The following RAPGEF4 variants were observed in gnomAD, a reference collection of about 807,000 sequenced individuals.
RAPGEF4 encodes RAP guanine-nucleotide-exchange factor (GEF) 4.
In RAPGEF4, 66 loss-of-function variants were observed where a neutral mutation model predicts 147.9. That is an observed-to-expected ratio of 0.45 (90% CI 0.37 to 0.55). RAPGEF4 has a LOEUF of 0.55. Ranked by LOEUF, RAPGEF4 falls within the 20% of genes least tolerant of loss-of-function variation. RAPGEF4 has a pLI of 0.00. For synonymous variants in RAPGEF4, 419 were observed against 442.7 expected (o/e 0.95, Z 0.67); for missense variants, 1,071 against 1,257.3 (o/e 0.85, Z 2.24).
intron 6 of RAPGEF4, among the ~76,000 whole-genome samples, chr2:172,960,137 C>G (rs998874188): frequency 1.3e-5 from 2 of 152,112 alleles, no homozygotes; most frequent in African/African-American, 4.8e-5. Context: ...TTCTCTAGAG[C>G]CTAGAGCTGA....
intron 16 of RAPGEF4, among the ~76,000 whole-genome samples, chr2:173,000,038 A>G (rs3769235): frequency 0.66 from 100,372 of 152,024 alleles, 34,023 homozygotes; most frequent in East Asian, 0.9. Flanking sequence ...TCTGTTCTCA[A>G]GAATATATAA....
intron 1 of RAPGEF4, among the ~76,000 whole-genome samples, chr2:172,791,365 G>C (rs565631538): frequency 6.6e-6 from 1 of 152,158 alleles, no homozygotes; most frequent in South Asian, 2.1e-4. Flanking sequence ...TACATGCAAG[G>C]ACTTTTTGTA....
chr2:172,941,907 A>G (rs1406720484), intron 6 of RAPGEF4, among the ~76,000 whole-genome samples: 1 of 152,162 alleles, frequency 6.6e-6, no homozygotes, highest in Non-Finnish European at 1.5e-5. Context: ...TACCTGAAAC[A>G]TAGTATGCTC....
Position 172,888,343 on chromosome 2 carries a change from T to C in RAPGEF4, c.445-29459T>C, listed in dbSNP as rs976328320. On this transcript the variant is annotated intron_variant, in intron 4 of 30. Coordinates refer to ENST00000397081, the MANE Select transcript of RAPGEF4 (RefSeq NM_007023.4). ...AGACGGGGAACATGATGCCCAGCTC[T>C]CCTGTATCTCAGTCTGTTGTCCTTT... is the stretch of plus-strand genomic sequence containing the variant. Among the ~76,000 whole-genome samples, 7 of 152,384 alleles carry C rather than the reference T, an allele frequency of 4.6e-5. No individual in the cohort carries two copies. In the South Asian group the frequency reaches 1.2e-3, roughly 27 times the overall value.
chr2:172,846,601 T>TCAGTTCTTAGATCGTGCATTTA (rs1559072880), intron 4 of RAPGEF4, among the ~76,000 whole-genome samples: 5 of 152,150 alleles, frequency 3.3e-5, no homozygotes, highest in Admixed American at 3.3e-4. Flanking sequence ...GTGGCAGATC[T>TCAGTTCTTAGATCGTGCATTTA]CAGTTCTTAG....
intron 1 of RAPGEF4, among the ~76,000 whole-genome samples, chr2:172,786,561 C>T (rs1685225685): frequency 6.6e-6 from 1 of 152,042 alleles, no homozygotes; most frequent in Non-Finnish European, 1.5e-5. Context: ...TCTACGTCTC[C>T]TGAAGGAAAA....
chr2:172,795,204 T>C, intron 2 of RAPGEF4, 37 bp downstream of exon 2: 3 of 1,554,950 alleles, frequency 1.9e-6, no homozygotes, highest in South Asian at 1.1e-5. Context: ...TTTCCATGTA[T>C]GGTTTATGCT....
At chr2:172,880,627 A>G (rs1327918067) in intron 4 of RAPGEF4, among the ~76,000 whole-genome samples, 1 of 152,248 alleles carries the variant, frequency 6.6e-6, no homozygotes, top group Non-Finnish European at 1.5e-5. Context: ...TGGTACAATT[A>G]AAACTTAGCT....
chr2:173,005,110 C>T (rs547749879), intron 17 of RAPGEF4, among the ~76,000 whole-genome samples: 15 of 99,576 alleles, frequency 1.5e-4, no homozygotes, highest in African/African-American at 3.5e-4. Flanking sequence ...ATTATTTCCA[C>T]GGTTTTTTTC....
At chr2:172,920,521 T>G (rs1684635278) in intron 5 of RAPGEF4, among the ~76,000 whole-genome samples, 3 of 152,140 alleles carry the variant, frequency 2.0e-5, no homozygotes, top group Admixed American at 6.6e-5. Context: ...CCTTCCCTCC[T>G]TTCTCCTGAT....
At chr2:173,006,135 A>C (rs758788187) in intron 17 of RAPGEF4, among the ~76,000 whole-genome samples, 104 of 152,226 alleles carry the variant, frequency 6.8e-4, no homozygotes, top group Non-Finnish European at 1.2e-4. Flanking sequence ...CAGGAAGCCT[A>C]TAACTCCAAT....
intron 6 of RAPGEF4, among the ~76,000 whole-genome samples, chr2:172,934,259 C>G (rs1021332465): frequency 6.6e-6 from 1 of 151,410 alleles, no homozygotes; most frequent in African/African-American, 2.4e-5. Flanking sequence ...AAGCAATTCC[C>G]CTGCCTCAGC....
At chr2:172,861,113 C>A (rs1693995506) in intron 4 of RAPGEF4, among the ~76,000 whole-genome samples, 1 of 152,090 alleles carries the variant, frequency 6.6e-6, no homozygotes, top group African/African-American at 2.4e-5. Context: ...TCCTACATTT[C>A]CCGTTAGAAC....
intron 4 of RAPGEF4, among the ~76,000 whole-genome samples, chr2:172,898,961 C>T (rs1337461579): frequency 6.6e-6 from 1 of 152,120 alleles, no homozygotes; most frequent in African/African-American, 2.4e-5. Context: ...TTTGTTTTCC[C>T]CCAACTTAAA....
At chr2:172,848,931 T>C (rs190972058) in intron 4 of RAPGEF4, among the ~76,000 whole-genome samples, 1 of 152,300 alleles carries the variant, frequency 6.6e-6, no homozygotes, top group African/African-American at 2.4e-5. Flanking sequence ...AAAGGTGATG[T>C]TGACTAAAGG....
chr2:172,968,537 C>G (rs1426489398), intron 10 of RAPGEF4, among the ~76,000 whole-genome samples: 2 of 152,126 alleles, frequency 1.3e-5, no homozygotes, highest in African/African-American at 4.8e-5. Flanking sequence ...TCAAAACTTT[C>G]TCATGGGTCT....
intron 9 of RAPGEF4, among the ~76,000 whole-genome samples, chr2:172,966,878 C>CT (rs1402792289): frequency 1.3e-5 from 2 of 152,224 alleles, no homozygotes; most frequent in Non-Finnish European, 2.9e-5. Flanking sequence ...AAAGCCTGTA[C>CT]TTTCCAAAGC....
rs201741962 is a variant in RAPGEF4 at position 173,027,127 on chromosome 2, C to T, written c.2426C>T (p.Thr809Ile). The change falls in exon 25 of 31, where the codon ACC (threonine) becomes ATC (isoleucine). Residue 809 changes from threonine (T) to isoleucine (I), a missense_variant. Thr to Ile is a moderately conservative substitution (Grantham distance 89). Transcript: ENST00000397081. ...TTTGGAAGGCATAATTTTAAAAAGA[C>T]CACAGCAAACTTGGATTTGTTCCTG... ...HTFGRHNFKK[T>I]TANLDLFLRR... is the part of the protein sequence containing the mutation. 7 of 1,611,918 alleles carry T rather than the reference C, an allele frequency of 4.3e-6. No homozygotes were observed. Among genetic ancestry groups the T allele is most frequent in the Non-Finnish European group, 5.9e-6 (7 of 1,179,292 alleles).
At chr2:172,862,859 T>C (rs1188256860) in intron 4 of RAPGEF4, among the ~76,000 whole-genome samples, 1 of 152,060 alleles carries the variant, frequency 6.6e-6, no homozygotes, top group Non-Finnish European at 1.5e-5. Flanking sequence ...TGTTAGGAGG[T>C]GCTCTCCTGC....
Sources: gnomAD v4.1 joint callset for allele counts (sites outside exome capture counted in the v4.1 genomes callset) on GRCh38, gnomAD v4.1.1 for gene constraint, MANE v1.5 for transcripts, NCBI Gene and HGNC (gene_info 2026-07-23, HGNC 2026-07-21) for gene names.